Variants in DARS1 observed in about 807,000 individuals in gnomAD.
DARS1 encodes aspartyl-tRNA synthetase 1.
A neutral mutation model predicts 68.8 loss-of-function variants in DARS1; 51 were observed. The ratio of observed to expected loss-of-function variants is 0.74; its 90% CI spans 0.59 to 0.94. The LOEUF (loss-of-function observed/expected upper bound fraction) is 0.94. DARS1 is among the 40% of genes least tolerant of loss of function. The pLI, the probability that DARS1 is intolerant of heterozygous loss-of-function variation, is 0.00. For synonymous variants in DARS1, 203 were observed against 190.4 expected, an observed-to-expected ratio of 1.07 and a Z score of -0.55; for missense variants, 607 against 597.3, an observed-to-expected ratio of 1.02 and a Z score of -0.17.
intron 7 of DARS1, among the ~76,000 whole-genome samples, chr2:135,930,730 G>C (rs928045568): frequency 6.6e-6 from 1 of 152,176 alleles, no homozygotes; most frequent in Non-Finnish European, 1.5e-5. Context: ...CTTAAACAAT[G>C]ATTCTCAAGA....
Position 135,940,796 on chromosome 2 carries a change from C to T in DARS1, c.423+2582G>A, listed in dbSNP as rs144088309. On this transcript the variant is annotated intron_variant, in intron 5 of 15. Transcript: ENST00000264161. ...AGGCCAAAACCTCCTTAAGCTGATA[C>T]GCAACTTCAGCAAAGTCTCAGGATA... Among the ~76,000 whole-genome samples, 1,219 of 152,156 alleles carry T rather than the reference C, an allele frequency of 8.0e-3. 100 individuals are homozygous for T. The East Asian group carries it at 0.2, about 24-fold the overall frequency.
chr2:135,982,189 T>G (rs927582868), intron 2 of DARS1, among the ~76,000 whole-genome samples: 5 of 152,082 alleles, frequency 3.3e-5, no homozygotes, highest in African/African-American at 1.2e-4. Context: ...AATAGTTAAG[T>G]AAGACAAATC....
intron 3 of DARS1, among the ~76,000 whole-genome samples, chr2:135,971,822 TA>T (rs1047264073): frequency 1.3e-5 from 2 of 150,392 alleles, no homozygotes; most frequent in African/African-American, 4.9e-5. Context: ...GAAAAAGAAA[TA>T]AAAAAAAGTA....
chr2:135,976,863 A>G (rs1682513128), intron 3 of DARS1, among the ~76,000 whole-genome samples: 1 of 151,900 alleles, frequency 6.6e-6, no homozygotes, highest in Non-Finnish European at 1.5e-5. Context: ...CAACCTGTAT[A>G]TTTTTTCACT....
intron 3 of DARS1, among the ~76,000 whole-genome samples, chr2:135,965,696 A>C (rs981181934): frequency 2.6e-5 from 4 of 152,218 alleles, no homozygotes; most frequent in African/African-American, 9.6e-5. Flanking sequence ...AAGGCTTAAA[A>C]ACGTTATCTT....
chr2:135,957,231 AT>A (rs777305714), intron 4 of DARS1, among the ~76,000 whole-genome samples: 254 of 140,452 alleles, frequency 1.8e-3, no homozygotes, highest in Middle Eastern at 3.8e-3. Context: ...TATCCTACTA[AT>A]TTTTTTTTTT....
intron 2 of DARS1, among the ~76,000 whole-genome samples, chr2:135,981,954 C>G (rs1329227614): frequency 6.6e-6 from 1 of 152,022 alleles, no homozygotes; most frequent in Non-Finnish European, 1.5e-5. Flanking sequence ...GTATTCTTTC[C>G]CAACAAGCCT....
rs1681133962 is a variant in DARS1 at position 135,922,881 on chromosome 2, T to C, written c.714A>G (p.Ser238=). 2.5e-6 allele frequency: 4 copies of C among 1,575,484 alleles called. No homozygotes were observed. In the South Asian group the frequency reaches 4.8e-5, roughly 19 times the overall value. The change falls in exon 9 of 16, where the codon TCA becomes TCG. Residue 238 remains serine, a synonymous_variant. Transcript: ENST00000264161. ...SEGGANVFTV[S]YFKNNAYLAQ... is the part of the protein sequence containing the mutation. The stretch of plus-strand genomic sequence containing the variant: ...CCAGGTATGCATTATTTTTAAAATA[T>C]GACACAGTAAAAACATTGGCTCCTC...
chr2:135,912,522 TA>T lies in DARS1; in HGVS notation c.1193del (p.Val398GlufsTer23). The stretch of plus-strand genomic sequence containing the variant: ...GGTCAGGCATGGTATAGAAAGGTCT[TA>T]CAGCCAATGGATATTTATCAAGAAT... ...FYILDKYPLAVRPFYTMPDPR... is the reference protein window; with the variant it reads ...FYILDKYPLAXRPFYTMPDPR... On this transcript the variant is annotated frameshift_variant, in exon 13 of 16. Transcript: ENST00000264161. LOFTEE classifies it high-confidence loss of function. 8.9e-7 allele frequency: 1 copy of T among 1,122,996 alleles called. No individual in the cohort carries two copies. Among genetic ancestry groups the T allele is most frequent in the Non-Finnish European group, 1.3e-6 (1 of 746,492 alleles). The allele number at this position is 1,122,996 out of a possible 1,614,324, so 69.6% of individuals were successfully genotyped here.
chr2:135,949,815 A>G (rs969455132), intron 4 of DARS1, among the ~76,000 whole-genome samples: 1 of 152,204 alleles, frequency 6.6e-6, no homozygotes, highest in African/African-American at 2.4e-5. Context: ...AAGACAGACA[A>G]TTTGAGGCAA....
At chr2:135,973,053 C>T (rs896607106) in intron 3 of DARS1, among the ~76,000 whole-genome samples, 1 of 152,142 alleles carries the variant, frequency 6.6e-6, no homozygotes, top group African/African-American at 2.4e-5. Flanking sequence ...CCACATGATC[C>T]AGCAATCCCA....
intron 1 of DARS1, chr2:135,985,131 C>T (rs1481325443): frequency 9.7e-6 from 5 of 515,400 alleles, no homozygotes; most frequent in Non-Finnish European, 1.7e-5. Flanking sequence ...CGCGCTCCTA[C>T]TTCCGGGGCG....
In DARS1 at chr2:135,922,862, A is replaced by T; in HGVS notation, c.733T>A (p.Tyr245Asn). The T allele has an allele frequency of 6.3e-7, 1 of 1,586,442 alleles. No individual in the cohort carries two copies. Among genetic ancestry groups the T allele is most frequent in the Non-Finnish European group, 8.6e-7 (1 of 1,167,518 alleles). Reference sequence around the variant, plus strand: ...TATAGCTGTGGGGACTGAGCCAGGTATGCATTATTTTTAAAATATGACACA... The same window carrying T: ...TATAGCTGTGGGGACTGAGCCAGGTTTGCATTATTTTTAAAATATGACACA... ...FTVSYFKNNAYLAQSPQLYKQ... is the reference protein window; with the variant it reads ...FTVSYFKNNANLAQSPQLYKQ... The change falls in exon 9 of 16, where the codon TAC becomes AAC. Residue 245 changes from tyrosine (Y) to asparagine (N), a missense_variant. By Grantham distance (143) the Tyr-to-Asn change is moderately radical. Transcript: ENST00000264161.
At chr2:135,930,774 C>T (rs1314692863) in intron 7 of DARS1, among the ~76,000 whole-genome samples, 2 of 152,214 alleles carry the variant, frequency 1.3e-5, no homozygotes, top group Non-Finnish European at 2.9e-5. Flanking sequence ...GGACAACCTT[C>T]ACCTGTACCT....
intron 4 of DARS1, among the ~76,000 whole-genome samples, chr2:135,959,076 T>C (rs1682040518): frequency 6.6e-6 from 1 of 151,960 alleles, no homozygotes; most frequent in Non-Finnish European, 1.5e-5. Flanking sequence ...AAATTACCTA[T>C]ATTCTTCCCT....
intron 2 of DARS1, among the ~76,000 whole-genome samples, chr2:135,981,866 T>C (rs1043487456): frequency 6.6e-6 from 1 of 152,000 alleles, no homozygotes; most frequent in Non-Finnish European, 1.5e-5. Flanking sequence ...GGGGTCTCAC[T>C]ATGTTTCCCA....
chr2:135,916,462 T>G, intron 10 of DARS1, 90 bp from the exon 11 acceptor site: 1 of 701,086 alleles, frequency 1.4e-6, no homozygotes. Flanking sequence ...AAATCAATCT[T>G]TGAATCAGTA....
At chr2:135,944,755 G>C (rs79507949) in intron 4 of DARS1, among the ~76,000 whole-genome samples, 1 of 152,094 alleles carries the variant, frequency 6.6e-6, no homozygotes, top group African/African-American at 2.4e-5. Flanking sequence ...GGATCAAGAG[G>C]CTCCAGTGGA....
intron 3 of DARS1, among the ~76,000 whole-genome samples, chr2:135,975,753 C>CAAAAA (rs1170740469): frequency 1.4e-5 from 1 of 71,738 alleles, no homozygotes; most frequent in African/African-American, 4.8e-5. Context: ...GACCCTGACT[C>CAAAAA]AAAAAAAAAA....
Sources: allele counts gnomAD v4.1 joint callset (sites outside exome capture counted in the v4.1 genomes callset), GRCh38; gene constraint gnomAD v4.1.1; transcripts MANE v1.5; gene names NCBI Gene and HGNC (gene_info 2026-07-23, HGNC 2026-07-21).